The following NCEH1 variants were observed in gnomAD, a reference collection of about 807,000 sequenced individuals.
The protein encoded by NCEH1 is neutral cholesterol ester hydrolase 1.
In NCEH1, 9 loss-of-function variants were observed where a neutral mutation model predicts 25.4. The observed-to-expected ratio is 0.35, with a 90% confidence interval of 0.21 to 0.62. The LOEUF is 0.62. Among genes scored for constraint, NCEH1 ranks in the 20% least tolerant of loss-of-function variants. NCEH1 has a pLI of 0.72. For synonymous variants in NCEH1, 200 were observed against 199.8 expected (o/e 1.00, Z -0.01); for missense variants, 412 against 501.1 (o/e 0.82, Z 1.70).
Position 172,633,633 on chromosome 3 carries a change from A to G in NCEH1, c.1069T>C (p.Tyr357His). Reference protein sequence around the residue: ...HDVLRDDGIMYAKRLESAGVE... With the variant: ...HDVLRDDGIMHAKRLESAGVE... ...CCGGCACTCTCCAAACGCTTGGCATACATGATGCCATCGTCTCTGAGGACA... is the reference window on the plus strand; with the variant it reads ...CCGGCACTCTCCAAACGCTTGGCATGCATGATGCCATCGTCTCTGAGGACA... The change falls in exon 5 of 5, where the codon TAT (tyrosine) becomes CAT (histidine). Residue 357 changes from tyrosine to histidine, a missense_variant. Physicochemically the swap from Tyr to His is moderately conservative, Grantham distance 83 (BLOSUM62 2). Transcript: ENST00000475381. 1 of 1,614,044 alleles carries G rather than the reference A, an allele frequency of 6.2e-7. No individual in the cohort carries two copies. The highest frequency in any genetic ancestry group is 8.5e-7 in the Non-Finnish European group (1 of 1,179,868).
At chr3:172,659,425 C>T (rs949383371) in intron 1 of NCEH1, among the ~76,000 whole-genome samples, 2 of 152,154 alleles carry the variant, frequency 1.3e-5, no homozygotes, top group Non-Finnish European at 2.9e-5. Context: ...GTTAATTACT[C>T]ACAAGATGTG....
chr3:172,703,409 T>C (rs1713806405), intron 1 of NCEH1, among the ~76,000 whole-genome samples: 1 of 150,770 alleles, frequency 6.6e-6, no homozygotes, highest in Non-Finnish European at 1.5e-5. Flanking sequence ...GGGCCTGTAA[T>C]CCCAGCTACT....
chr3:172,633,703 C>T lies in NCEH1; in HGVS notation c.999G>A (p.Val333=). 6.2e-7 allele frequency: 1 copy of T among 1,614,214 alleles called. No homozygotes were observed. The highest frequency in any genetic ancestry group is 8.5e-7 in the Non-Finnish European group (1 of 1,180,034). ...RSAPLIADQA[V]LQLLPKTYIL... is the part of the protein sequence containing the mutation. ...TGTAGGTCTTTGGGAGGAGCTGCAG[C>T]ACTGCCTGGTCTGCAATGAGTGGGG... The change falls in exon 5 of 5, where the codon GTG becomes GTA. Residue 333 remains valine, a synonymous_variant. Coordinates refer to ENST00000475381, the MANE Select transcript of NCEH1 (RefSeq NM_020792.6).
At chr3:172,692,537 A>T (rs1431442660) in intron 1 of NCEH1, among the ~76,000 whole-genome samples, 5 of 116,142 alleles carry the variant, frequency 4.3e-5, no homozygotes, top group East Asian at 4.3e-4. Flanking sequence ...TTTTTTTTTT[A>T]ATTTTTTTGT....
At chr3:172,665,794 C>T (rs756558114) in intron 1 of NCEH1, among the ~76,000 whole-genome samples, 3 of 152,122 alleles carry the variant, frequency 2.0e-5, no homozygotes, top group South Asian at 2.1e-4. Context: ...CCGAGCCATG[C>T]GCGGGATATA....
chr3:172,704,535 G>A lies in NCEH1; in HGVS notation c.138+6312C>T, dbSNP rs528938523. Among the ~76,000 whole-genome samples the A allele has an allele frequency of 5.3e-5, 8 of 152,276 alleles. No individual in the cohort carries two copies. The South Asian group carries it at 1.7e-3, about 32-fold the overall frequency. On this transcript the variant is annotated intron_variant, in intron 1 of 4. Transcript: ENST00000475381. ...TTGACTGTAAGCTTCTCAAGTTTAG[G>A]TTTCTGCCTTACACATTTCTGTTTT...
intron 1 of NCEH1, among the ~76,000 whole-genome samples, chr3:172,699,063 C>A (rs1300445008): frequency 6.6e-6 from 1 of 152,084 alleles, no homozygotes; most frequent in Non-Finnish European, 1.5e-5. Flanking sequence ...TAAGCAACAT[C>A]TAAGGGCCAT....
chr3:172,687,032 T>G (rs73880244), intron 1 of NCEH1, among the ~76,000 whole-genome samples: 12,597 of 152,220 alleles, frequency 0.083, 1,630 homozygotes, highest in African/African-American at 0.27. Context: ...CCTGAACAAC[T>G]GTACAGTTAA....
At chr3:172,639,803 G>C (rs750327778) in intron 3 of NCEH1, among the ~76,000 whole-genome samples, 1 of 152,150 alleles carries the variant, frequency 6.6e-6, no homozygotes, top group Non-Finnish European at 1.5e-5. Context: ...TCAAATTAAT[G>C]TGTACAGTCT....
chr3:172,668,663 T>C (rs1397598235), intron 1 of NCEH1, among the ~76,000 whole-genome samples: 1 of 151,894 alleles, frequency 6.6e-6, no homozygotes, highest in African/African-American at 2.4e-5. Flanking sequence ...AGACACTGAA[T>C]TGACACCAAT....
intron 1 of NCEH1, among the ~76,000 whole-genome samples, chr3:172,701,010 C>T (rs1713646600): frequency 6.6e-6 from 1 of 152,136 alleles, no homozygotes; most frequent in Admixed American, 6.5e-5. Context: ...ACTGGTGTCC[C>T]TGAGGGGCAC....
intron 1 of NCEH1, among the ~76,000 whole-genome samples, chr3:172,679,240 C>T (rs1194025639): frequency 1.3e-5 from 2 of 152,178 alleles, no homozygotes; most frequent in Non-Finnish European, 2.9e-5. Context: ...CCACTATAAG[C>T]ATGCCAGGGA....
chr3:172,698,133 T>G (rs9838076), intron 1 of NCEH1, among the ~76,000 whole-genome samples: 1 of 151,916 alleles, frequency 6.6e-6, no homozygotes, highest in African/African-American at 2.4e-5. Flanking sequence ...CCCGCCACCA[T>G]GCCCGGCTAA....
chr3:172,638,777 T>G (rs1348313648), intron 3 of NCEH1, among the ~76,000 whole-genome samples: 1 of 152,158 alleles, frequency 6.6e-6, no homozygotes, highest in Middle Eastern at 3.2e-3. Context: ...TCAGAAAAGG[T>G]CTGAGAGACT....
rs775094210 is a variant in NCEH1, at chr3:172,710,912, C to T, written c.73G>A (p.Gly25Ser). 6.2e-7 allele frequency: 1 copy of T among 1,614,114 alleles called. No individual in the cohort carries two copies. The highest frequency in any genetic ancestry group is 1.1e-5 in the South Asian group (1 of 91,090). Reference sequence around the variant, plus strand: ...AGCTTCCAGGGGTCGGACACGGAGCCAGGCAGCGGGATGTAGACGTAATAG... The same window carrying T: ...AGCTTCCAGGGGTCGGACACGGAGCTAGGCAGCGGGATGTAGACGTAATAG... ...AAYYVYIPLP[G>S]SVSDPWKLML... Residue 25 changes from glycine (G) to serine (S), a missense_variant, in exon 1 of 5, where the codon GGC becomes AGC. By Grantham distance (56) the Gly-to-Ser change is moderately conservative (BLOSUM62 0). Transcript: ENST00000475381.
intron 3 of NCEH1, among the ~76,000 whole-genome samples, chr3:172,643,804 A>G (rs1306863547): frequency 6.6e-6 from 1 of 152,172 alleles, no homozygotes; most frequent in Non-Finnish European, 1.5e-5. Flanking sequence ...TCAGGCCTGC[A>G]AGGAGCTGGG....
At chr3:172,706,010 C>CAAAAAA (rs35383888) in intron 1 of NCEH1, among the ~76,000 whole-genome samples, 1 of 103,970 alleles carries the variant, frequency 9.6e-6, no homozygotes, top group African/African-American at 3.8e-5. Context: ...CAACAACAAC[C>CAAAAAA]AAAAAAAAAA....
chr3:172,632,486 AT>A lies in NCEH1; in HGVS notation c.*988del, dbSNP rs1282153266. ...CAAAATAGCTCCATTTTAAAGCCAT[AT>A]AAGTGAAAAAATTGAGTTTTCAATA... On this transcript the variant is annotated 3_prime_UTR_variant, in exon 5 of 5. Transcript: ENST00000475381. 2 of 152,594 alleles carry A rather than the reference AT, an allele frequency of 1.3e-5. No homozygotes were observed. Among genetic ancestry groups the A allele is most frequent in the Non-Finnish European group, 2.9e-5 (2 of 68,010 alleles). 9.5% of individuals were successfully genotyped at this position (152,594 alleles called of 1,614,324 possible).
At chr3:172,675,172 G>T (rs1418985021) in intron 1 of NCEH1, among the ~76,000 whole-genome samples, 1 of 152,038 alleles carries the variant, frequency 6.6e-6, no homozygotes, top group East Asian at 1.9e-4. Context: ...TAGCTGTGTG[G>T]TGCCTGTAAT....
Sources: gnomAD v4.1 joint callset for allele counts (sites outside exome capture counted in the v4.1 genomes callset) on GRCh38, gnomAD v4.1.1 for gene constraint, MANE v1.5 for transcripts, NCBI Gene and HGNC (gene_info 2026-07-23, HGNC 2026-07-21) for gene names.